PAH: variants seen among roughly 807,000 people sequenced by gnomAD.
PAH encodes phenylalanine hydroxylase.
In PAH, 64 loss-of-function variants were observed where a neutral mutation model predicts 62.0. That is an observed-to-expected ratio of 1.03 (90% confidence interval 0.84 to 1.27). The LOEUF (loss-of-function observed/expected upper bound fraction) is 1.27, where lower values mean the gene tolerates loss of function less well. Among genes scored for constraint, PAH ranks in the 50% most tolerant of loss-of-function variants. The pLI is 0.00. For synonymous variants in PAH, 195 were observed against 196.2 expected (o/e 0.99, Z 0.05); for missense variants, 579 against 542.8 (o/e 1.07, Z -0.66).
intron 4 of PAH, among the ~76,000 whole-genome samples, chr12:102,873,580 T>A (rs1224431682): frequency 1.3e-5 from 2 of 152,204 alleles, no homozygotes; most frequent in Non-Finnish European, 2.9e-5. Context: ...CTAGAAGTCC[T>A]CCCTAACCAT....
chr12:102,903,387 A>AC (rs200087610), intron 2 of PAH, among the ~76,000 whole-genome samples: 220 of 115,198 alleles, frequency 1.9e-3, no homozygotes, highest in African/African-American at 7.5e-3. Flanking sequence ...CACACACACA[A>AC]AAAACAAACA....
chr12:102,873,308 T>C (rs559623826), intron 4 of PAH, among the ~76,000 whole-genome samples: 7 of 152,242 alleles, frequency 4.6e-5, no homozygotes, highest in Non-Finnish European at 1.0e-4. Context: ...TCTCCAGACA[T>C]GGCCCATGAA....
upstream of PAH, among the ~76,000 whole-genome samples, chr12:102,918,752 G>T (rs1878481761): frequency 6.6e-6 from 1 of 152,078 alleles, no homozygotes; most frequent in Non-Finnish European, 1.5e-5. Context: ...TAGTAAGTTG[G>T]AAGCTCAATG....
intron 1 of PAH, among the ~76,000 whole-genome samples, chr12:102,947,203 G>A (rs116596281): frequency 0.019 from 2,902 of 152,104 alleles, 93 homozygotes; most frequent in African/African-American, 0.066. Context: ...GTGTGTGTCT[G>A]TGTGTGTGTA....
chr12:102,947,583 C>G (rs556356266), intron 1 of PAH, among the ~76,000 whole-genome samples: 19 of 152,060 alleles, frequency 1.2e-4, no homozygotes, highest in Non-Finnish European at 2.1e-4. Flanking sequence ...TACTGAGAAA[C>G]AAAGGATCAG....
intron 1 of PAH, among the ~76,000 whole-genome samples, chr12:102,947,178 T>C (rs1879532965): frequency 6.6e-6 from 1 of 152,104 alleles, no homozygotes; most frequent in South Asian, 2.1e-4. Context: ...TGTGTGTTTG[T>C]GTGTGTATAT....
intron 1 of PAH, among the ~76,000 whole-genome samples, chr12:102,947,898 A>G (rs576034010): frequency 6.6e-6 from 1 of 152,172 alleles, no homozygotes; most frequent in Non-Finnish European, 1.5e-5. Flanking sequence ...GTCTGAGTCC[A>G]AAGTTAGGAG....
In PAH at chr12:102,894,858, A is replaced by ACTC; in HGVS notation, c.226_228dup (p.Glu76dup). The ACTC allele has an allele frequency of 6.2e-7, 1 of 1,613,716 alleles. No individual in the cohort carries two copies. Among genetic ancestry groups the ACTC allele is most frequent in the East Asian group, 2.2e-5 (1 of 44,870 alleles). ...TTATCCAAATGGGTGAAAAATTCAT[A>ACTC]CTCATCTTTCTTTAAACGAGAAGGT... On this transcript the variant is annotated inframe_insertion, in exon 3 of 13. Transcript: ENST00000553106.
At chr12:102,902,990 G>A (rs1485849860) in intron 2 of PAH, among the ~76,000 whole-genome samples, 5 of 152,330 alleles carry the variant, frequency 3.3e-5, no homozygotes, top group Non-Finnish European at 5.9e-5. Flanking sequence ...CTCAGCTCAC[G>A]CCTTTAGAGA....
chr12:102,856,160 G>T (rs1006592982), intron 5 of PAH, among the ~76,000 whole-genome samples: 3 of 152,060 alleles, frequency 2.0e-5, no homozygotes, highest in South Asian at 2.1e-4. Flanking sequence ...TCCATGCTAA[G>T]GTATAAAATG....
In PAH at chr12:102,867,943, GTATATACATATATAGATGTATATATACA is replaced by G. The variant is rs1565854388; in HGVS notation, c.442-1308_442-1281del. On this transcript the variant is annotated intron_variant, in intron 4 of 12. Transcript: ENST00000553106. ...TACATATATAGATGTATATATACAT[GTATATACATATATAGATGTATATATACA>G]TGTATATATAGATGTATATTACATG... Among the ~76,000 whole-genome samples the G allele has an allele frequency of 9.5e-4, 131 of 138,366 alleles. 1 individual carries two copies. The highest frequency in any genetic ancestry group is 2.6e-3 in the South Asian group (11 of 4,234). 90.8% of individuals were successfully genotyped at this position (138,366 alleles called of 152,430 possible).
At chr12:102,940,867 T>A (rs1339492876) in intron 1 of PAH, among the ~76,000 whole-genome samples, 1 of 152,090 alleles carries the variant, frequency 6.6e-6, no homozygotes, top group African/African-American at 2.4e-5. Context: ...AGACACATAG[T>A]CATCAGAATC....
At chr12:102,852,976 T>G (rs1479667504) in intron 6 of PAH, 26 bp from the exon 7 acceptor site, 1 of 1,612,780 alleles carries the variant, frequency 6.2e-7, no homozygotes, top group East Asian at 2.2e-5. Context: ...GAAAGAAAAC[T>G]CAAAGCTCAT....
intron 1 of PAH, among the ~76,000 whole-genome samples, chr12:102,944,920 A>G (rs1445750535): frequency 6.6e-6 from 1 of 152,250 alleles, no homozygotes. Context: ...CAGGTATTCT[A>G]ATAAATTTGG....
chr12:102,851,600 G>A (rs1875149166), intron 8 of PAH, 87 bp downstream of exon 8: 1 of 1,037,950 alleles, frequency 9.6e-7, no homozygotes, highest in Admixed American at 1.7e-5. Flanking sequence ...CTTGCAGAGG[G>A]CATGAGGACC....
At chr12:102,948,551 G>A (rs989553889) in intron 1 of PAH, among the ~76,000 whole-genome samples, 1 of 152,136 alleles carries the variant, frequency 6.6e-6, no homozygotes, top group Non-Finnish European at 1.5e-5. Context: ...TTCAGGGCCA[G>A]TATCAAAGGC....
chr12:102,893,041 A>C (rs1877343009), intron 3 of PAH, among the ~76,000 whole-genome samples: 1 of 152,248 alleles, frequency 6.6e-6, no homozygotes, highest in African/African-American at 2.4e-5. Context: ...GGTAGGGATG[A>C]AAGACCTGGG....
chr12:102,908,877 C>T (rs1004662045), intron 2 of PAH, among the ~76,000 whole-genome samples: 9 of 136,396 alleles, frequency 6.6e-5, no homozygotes, highest in South Asian at 4.7e-4. Context: ...GTTTCACTCT[C>T]GCTGCTCAGG....
At chr12:102,939,447 T>G (rs907650762) in intron 1 of PAH, among the ~76,000 whole-genome samples, 1 of 152,146 alleles carries the variant, frequency 6.6e-6, no homozygotes, top group Non-Finnish European at 1.5e-5. Flanking sequence ...AACGTTCCCA[T>G]TGGCAGCACC....
Sources: gnomAD v4.1 joint callset for allele counts (sites outside exome capture counted in the v4.1 genomes callset) on GRCh38, gnomAD v4.1.1 for gene constraint, MANE v1.5 for transcripts, NCBI Gene and HGNC (gene_info 2026-07-23, HGNC 2026-07-21) for gene names.